The following USP33 variants were observed in gnomAD, a reference collection of about 807,000 sequenced individuals.
USP33 encodes the protein ubiquitin specific peptidase 33.
A neutral mutation model predicts 124.2 loss-of-function variants in USP33; 46 were observed. That is an observed-to-expected ratio of 0.37 (90% CI 0.29 to 0.47). USP33 has a LOEUF of 0.47. USP33 is among the 20% of genes least tolerant of loss of function. The pLI, the probability that USP33 is intolerant of heterozygous loss-of-function variation, is 0.99. For synonymous variants in USP33, 350 were observed against 352.3 expected (o/e 0.99, Z 0.07); for missense variants, 851 against 1,070.6 (o/e 0.79, Z 2.86).
chr1:77,759,405 G>C (rs370395277), intron 1 of USP33: 1 of 393,514 alleles, frequency 2.5e-6, no homozygotes. Flanking sequence ...ATCAACGACC[G>C]GTTCCCATCC....
chr1:77,758,256 T>C (rs929548260), intron 1 of USP33, among the ~76,000 whole-genome samples: 3 of 145,308 alleles, frequency 2.1e-5, no homozygotes, highest in African/African-American at 5.1e-5. Flanking sequence ...TCTCGGCTCA[T>C]TGCAAGCTCT....
chr1:77,699,239 G>C (rs1359355865), intron 22 of USP33, among the ~76,000 whole-genome samples: 2 of 152,110 alleles, frequency 1.3e-5, no homozygotes, highest in Non-Finnish European at 2.9e-5. Context: ...TCAAGAAACA[G>C]GCTGGGCCCA....
At chr1:77,752,735 A>G (rs1180381666) in intron 1 of USP33, among the ~76,000 whole-genome samples, 3 of 152,248 alleles carry the variant, frequency 2.0e-5, no homozygotes, top group Non-Finnish European at 4.4e-5. Context: ...ATATAAACTT[A>G]AAATTATAAA....
intron 7 of USP33, among the ~76,000 whole-genome samples, chr1:77,731,569 T>C (rs939850456): frequency 6.6e-6 from 1 of 152,030 alleles, no homozygotes; most frequent in South Asian, 2.1e-4. Context: ...GACAGGGTCT[T>C]GTTATGTTGC....
At chr1:77,704,008 C>G (rs1017054288) in intron 21 of USP33, among the ~76,000 whole-genome samples, 1 of 151,860 alleles carries the variant, frequency 6.6e-6, no homozygotes, top group Admixed American at 6.6e-5. Context: ...AGCTATTCAT[C>G]AGGAGGCTGA....
At chr1:77,734,291 T>C in intron 7 of USP33, 56 bp downstream of exon 7, 2 of 1,367,696 alleles carry the variant, frequency 1.5e-6, no homozygotes, top group Non-Finnish European at 2.0e-6. Context: ...GGTTTTCTGC[T>C]CAAAAAATAA....
chr1:77,755,044 G>C (rs907438825), intron 1 of USP33, among the ~76,000 whole-genome samples: 4 of 152,168 alleles, frequency 2.6e-5, no homozygotes, highest in Non-Finnish European at 4.4e-5. Context: ...AAATAGAAAT[G>C]AATTAATGAA....
At chr1:77,736,628 C>T (rs1371383252) in intron 5 of USP33, among the ~76,000 whole-genome samples, 4 of 150,874 alleles carry the variant, frequency 2.7e-5, no homozygotes, top group Admixed American at 6.6e-5. Context: ...TTTTTTTTTC[C>T]GAAACAGAGT....
chr1:77,730,586 AATAAAGAAG>A (rs1171517958), intron 8 of USP33, 23 bp downstream of exon 8: 2 of 1,401,248 alleles, frequency 1.4e-6, no homozygotes, highest in Non-Finnish European at 1.9e-6. Flanking sequence ...TTAAAAGTTT[AATAAAGAAG>A]AAGAGTATAT....
intron 6 of USP33, 74 bp from the exon 7 acceptor site, chr1:77,734,490 G>A: frequency 1.1e-6 from 1 of 886,774 alleles, no homozygotes; most frequent in Admixed American, 2.7e-5. Context: ...TCATTAATAT[G>A]GTTCCCAAAT....
intron 1 of USP33, 169 bp downstream of exon 1, chr1:77,759,474 G>C (rs1681121636): frequency 2.5e-6 from 1 of 396,446 alleles, no homozygotes; most frequent in African/African-American, 2.1e-5. Context: ...AGCACCGAGG[G>C]GCCAAGGCCT....
At chr1:77,709,882 T>TACACACAC (rs35770178) in intron 21 of USP33, among the ~76,000 whole-genome samples, 2,469 of 144,878 alleles carry the variant, frequency 0.017, 37 homozygotes, top group South Asian at 0.048. Flanking sequence ...TGCATACACA[T>TACACACAC]ACACACACAC....
At chr1:77,719,314 G>A (rs577056424) in intron 15 of USP33, among the ~76,000 whole-genome samples, 41 of 152,064 alleles carry the variant, frequency 2.7e-4, no homozygotes, top group Non-Finnish European at 4.6e-4. Context: ...AGTCAATATC[G>A]TGCCACTGCA....
chr1:77,713,432 A>G, intron 19 of USP33, 151 bp from the exon 20 acceptor site: 1 of 631,936 alleles, frequency 1.6e-6, no homozygotes, highest in Non-Finnish European at 2.6e-6. Context: ...CCCAGTCCAG[A>G]GAGTGCAGTG....
chr1:77,723,399 T>G lies in USP33; in HGVS notation c.1321A>C (p.Arg441=). ...TCAAATATGTCTGAAATAACACTTC[T>G]GTATTTCTTGTGCTGTTTTTTTCTC... is the stretch of plus-strand genomic sequence containing the variant. ...PKRKKQHKKY[R]SVISDIFDGT... Residue 441 remains arginine, a synonymous_variant, in exon 12 of 24, where the codon AGA becomes CGA. Transcript: ENST00000370794. 1 of 1,613,330 alleles carries G rather than the reference T, an allele frequency of 6.2e-7. No individual in the cohort carries two copies. Among genetic ancestry groups the G allele is most frequent in the South Asian group, 1.1e-5 (1 of 90,944 alleles).
chr1:77,714,264 A>G (rs143009574), intron 19 of USP33, among the ~76,000 whole-genome samples: 1 of 152,308 alleles, frequency 6.6e-6, no homozygotes, highest in African/African-American at 2.4e-5. Flanking sequence ...AGGAAAAATG[A>G]TGTATAATAG....
intron 10 of USP33, among the ~76,000 whole-genome samples, chr1:77,727,174 T>C (rs1677262183): frequency 6.6e-6 from 1 of 152,250 alleles, no homozygotes; most frequent in Non-Finnish European, 1.5e-5. Context: ...TTTTTTCCTC[T>C]AACGGACCAG....
At chr1:77,732,789 CTTTTTT>C (rs939934675) in intron 7 of USP33, among the ~76,000 whole-genome samples, 3 of 104,894 alleles carry the variant, frequency 2.9e-5, no homozygotes, top group South Asian at 3.0e-4. Context: ...AATGTCTCTT[CTTTTTT>C]TTTTTTTTTT....
In USP33 at chr1:77,728,617, G is replaced by A. The variant is rs1454156209; in HGVS notation, c.813C>T (p.Thr271=). 1.2e-6 allele frequency: 2 copies of A among 1,614,074 alleles called. No homozygotes were observed. The highest frequency in any genetic ancestry group is 1.7e-5 in the Admixed American group (1 of 60,014). Residue 271 remains threonine (T), a synonymous_variant, in exon 10 of 24, where the codon ACC becomes ACT. Transcript: ENST00000370794. ...MEVEEDPQTI[T]TEETMEEDKS... Reference sequence around the variant, plus strand: ...TGTCTTCTTCCATTGTCTCCTCAGTGGTTATGGTTTGCGGATCTTCTTCTA... The same window carrying A: ...TGTCTTCTTCCATTGTCTCCTCAGTAGTTATGGTTTGCGGATCTTCTTCTA...
Sources: allele counts gnomAD v4.1 joint callset (sites outside exome capture counted in the v4.1 genomes callset), GRCh38; gene constraint gnomAD v4.1.1; transcripts MANE v1.5; gene names NCBI Gene and HGNC (gene_info 2026-07-23, HGNC 2026-07-21).